RORA: variants seen among roughly 807,000 people sequenced by gnomAD.
RORA encodes the protein RAR related orphan receptor A, also known as nuclear receptor ROR-alpha.
In RORA, 7 loss-of-function variants were observed where a neutral mutation model predicts 69.5. The observed-to-expected ratio is 0.10, with a 90% CI of 0.06 to 0.19. The LOEUF (loss-of-function observed/expected upper bound fraction) is 0.19. RORA is among the 10% of genes least tolerant of loss of function. RORA has a pLI of 1.00. For synonymous variants in RORA, 261 were observed against 240.8 expected (o/e 1.08, Z -0.78); for missense variants, 457 against 663.0 (o/e 0.69, Z 3.41).
intron 1 of RORA, among the ~76,000 whole-genome samples, chr15:60,897,326 T>A (rs916287086): frequency 6.6e-6 from 1 of 152,198 alleles, no homozygotes; most frequent in African/African-American, 2.4e-5. Context: ...AAATGACATA[T>A]AGAGATCTTT....
At chr15:61,182,786 T>C (rs576418758) in intron 1 of RORA, among the ~76,000 whole-genome samples, 3 of 152,316 alleles carry the variant, frequency 2.0e-5, no homozygotes, top group Admixed American at 1.3e-4. Context: ...CATGACACAA[T>C]ATACCAATGA....
At chr15:60,831,400 G>A (rs2073039946) in intron 1 of RORA, among the ~76,000 whole-genome samples, 1 of 152,084 alleles carries the variant, frequency 6.6e-6, no homozygotes, top group African/African-American at 2.4e-5. Context: ...CAGCTTGAGA[G>A]TGGATACTAC....
chr15:60,705,709 T>G (rs2071052561), intron 1 of RORA, among the ~76,000 whole-genome samples: 1 of 152,136 alleles, frequency 6.6e-6, no homozygotes. Flanking sequence ...CAACTGACAT[T>G]TTTTTATTAT....
At chr15:61,085,100 G>C (rs915053293) in intron 1 of RORA, among the ~76,000 whole-genome samples, 1 of 152,114 alleles carries the variant, frequency 6.6e-6, no homozygotes, top group African/African-American at 2.4e-5. Flanking sequence ...ATTTAAAAGA[G>C]GAAGTTCACA....
At chr15:60,824,991 T>G (rs780409256) in intron 1 of RORA, among the ~76,000 whole-genome samples, 5 of 152,200 alleles carry the variant, frequency 3.3e-5, no homozygotes, top group Non-Finnish European at 7.3e-5. Context: ...TAGGACTGTA[T>G]GGCTAGGAAC....
chr15:60,997,356 G>T (rs1894585115), intron 1 of RORA, among the ~76,000 whole-genome samples: 1 of 152,040 alleles, frequency 6.6e-6, no homozygotes, highest in African/African-American at 2.4e-5. Flanking sequence ...ATTTGTCTAC[G>T]AACATACAGC....
intron 2 of RORA, among the ~76,000 whole-genome samples, chr15:60,673,508 A>G (rs2070506384): frequency 6.6e-6 from 1 of 152,200 alleles, no homozygotes; most frequent in African/African-American, 2.4e-5. Context: ...ATGGGTGGAG[A>G]TGAGCAGCGG....
In RORA at chr15:60,491,858, G is replaced by C. The variant is rs1199690123; in HGVS notation, c.*5597C>G. On this transcript the variant is annotated 3_prime_UTR_variant, in exon 11 of 11. Coordinates refer to ENST00000335670, the MANE Select transcript of RORA (RefSeq NM_134261.3). The stretch of plus-strand genomic sequence containing the variant: ...AACCTCTTTACTAACATTATGTTTA[G>C]GGATAGAATGAAGACCTGTATCATA... 3.9e-5 allele frequency: 6 copies of C among 152,074 alleles called. No homozygotes were observed. The highest frequency in any genetic ancestry group is 4.4e-5 in the Non-Finnish European group (3 of 68,006). 9.4% of individuals were successfully genotyped at this position (152,074 alleles called of 1,614,324 possible). A position where few individuals can be genotyped will look rare whatever the true frequency, so the allele number is the denominator to read the frequency against.
At chr15:61,100,675 A>T (rs1240654755) in intron 1 of RORA, among the ~76,000 whole-genome samples, 8 of 152,310 alleles carry the variant, frequency 5.3e-5, no homozygotes, top group Admixed American at 2.6e-4. Context: ...GAAAGGGGCC[A>T]TGACACATTC....
At chr15:60,937,534 G>A (rs1411533041) in intron 1 of RORA, among the ~76,000 whole-genome samples, 3 of 152,190 alleles carry the variant, frequency 2.0e-5, no homozygotes, top group Admixed American at 6.5e-5. Context: ...GCACAATTCT[G>A]TTTCATATGC....
intron 2 of RORA, among the ~76,000 whole-genome samples, chr15:60,612,741 A>G (rs1342161134): frequency 1.4e-5 from 2 of 145,990 alleles, no homozygotes. Context: ...CAAACATGAA[A>G]TTAGTTTATA....
intron 1 of RORA, among the ~76,000 whole-genome samples, chr15:60,797,070 T>TTTA (rs953734132): frequency 7.4e-5 from 11 of 147,834 alleles, no homozygotes; most frequent in Admixed American, 2.0e-4. Flanking sequence ...ATTAATTATA[T>TTTA]TTATTATTAT....
chr15:60,817,409 G>A (rs1188047240), intron 1 of RORA, among the ~76,000 whole-genome samples: 5 of 152,172 alleles, frequency 3.3e-5, no homozygotes, highest in African/African-American at 7.2e-5. Flanking sequence ...AGACTTCATC[G>A]AGGCAGGCTT....
At chr15:60,774,999 G>A (rs1260270012) in intron 1 of RORA, among the ~76,000 whole-genome samples, 2 of 152,172 alleles carry the variant, frequency 1.3e-5, no homozygotes, top group Non-Finnish European at 2.9e-5. Flanking sequence ...ATTCGTTGAA[G>A]AAAGTGTGTT....
intron 1 of RORA, among the ~76,000 whole-genome samples, chr15:60,698,369 C>T (rs958106256): frequency 6.6e-6 from 1 of 152,048 alleles, no homozygotes; most frequent in African/African-American, 2.4e-5. Context: ...CCTAGCCTGC[C>T]CCTCGTTGAC....
At position 60,687,527 on chromosome 15, in the gene RORA, A is replaced by G. The variant is rs149539869; in HGVS notation, c.167-8841T>C. 4.3e-3 allele frequency among the ~76,000 whole-genome samples: 657 copies of G among 152,342 alleles called. 4 individuals carry two copies. Among genetic ancestry groups the G allele is most frequent in the African/African-American group, 0.014 (598 of 41,584 alleles). ...TCTCTTGGGAGGCCGAGGCGGGCAG[A>G]TCACTTGAGGTCAGGAGTTTGAGAC... On this transcript the variant is annotated intron_variant, in intron 1 of 10. Transcript: ENST00000335670.
chr15:61,017,237 C>T (rs1286420317), intron 1 of RORA, among the ~76,000 whole-genome samples: 1 of 152,194 alleles, frequency 6.6e-6, no homozygotes, highest in East Asian at 1.9e-4. Flanking sequence ...CAACAGAACC[C>T]AGGACAGGCT....
chr15:60,736,497 A>G (rs1418153585), intron 1 of RORA, among the ~76,000 whole-genome samples: 4 of 152,154 alleles, frequency 2.6e-5, no homozygotes, highest in Non-Finnish European at 5.9e-5. Flanking sequence ...CTCTCAGTTC[A>G]TGAACTCTGA....
intron 1 of RORA, among the ~76,000 whole-genome samples, chr15:61,097,834 A>G (rs144486097): frequency 6.6e-6 from 1 of 152,330 alleles, no homozygotes; most frequent in African/African-American, 2.4e-5. Flanking sequence ...GCTTTTGAAT[A>G]CAGGATCATT....
Sources: gnomAD v4.1 joint callset for allele counts (sites outside exome capture counted in the v4.1 genomes callset) on GRCh38, gnomAD v4.1.1 for gene constraint, MANE v1.5 for transcripts, NCBI Gene and HGNC (gene_info 2026-07-23, HGNC 2026-07-21) for gene names.